FHIP1A: variants seen among roughly 807,000 people sequenced by gnomAD.
The protein encoded by FHIP1A is FHF complex subunit HOOK interacting protein 1A.
A neutral mutation model predicts 88.6 loss-of-function variants in FHIP1A; 61 were observed. That is an observed-to-expected ratio of 0.69 (90% CI 0.56 to 0.85). FHIP1A has a LOEUF of 0.85. Ranked by LOEUF, FHIP1A falls within the 40% of genes least tolerant of loss-of-function variation. The pLI is 0.00. For synonymous variants in FHIP1A, 478 were observed against 496.0 expected (o/e 0.96, Z 0.48); for missense variants, 1,154 against 1,273.5 (o/e 0.91, Z 1.43).
At position 151,662,612 on chromosome 4, in the gene FHIP1A, C is replaced by G. The variant is rs75005416; in HGVS notation, c.2981C>G (p.Pro994Arg). Residue 994 changes from proline (P) to arginine (R), a missense_variant, in exon 14 of 14, where the codon CCC (proline) becomes CGC (arginine). By Grantham distance (103) the Pro-to-Arg change is moderately radical (BLOSUM62 -2). Coordinates refer to ENST00000435205, the MANE Select transcript of FHIP1A (RefSeq NM_001109977.3). ...THRTKVAEAPPNLPLPVRNPM... is the reference protein window; with the variant it reads ...THRTKVAEAPRNLPLPVRNPM... ...AGAACCAAGGTGGCTGAGGCACCCC[C>G]CAACCTGCCCCTGCCGGTGAGGAAC... is the stretch of plus-strand genomic sequence containing the variant. 0.016 allele frequency: 25,310 copies of G among 1,551,656 alleles called. 296 individuals are homozygous for G. Among genetic ancestry groups the G allele is most frequent in the Non-Finnish European group, 0.02 (23,183 of 1,146,980 alleles).
At chr4:151,442,574 C>T (rs1167706702) in intron 1 of FHIP1A, among the ~76,000 whole-genome samples, 3 of 152,050 alleles carry the variant, frequency 2.0e-5, no homozygotes, top group East Asian at 3.9e-4. Context: ...GTTTTAGGCC[C>T]GTATTAGACC....
intron 7 of FHIP1A, among the ~76,000 whole-genome samples, chr4:151,628,605 T>A (rs565046188): frequency 3.9e-5 from 6 of 152,272 alleles, no homozygotes; most frequent in Admixed American, 3.9e-4. Context: ...AAGAAGATTT[T>A]AAAAAATGGA....
intron 1 of FHIP1A, among the ~76,000 whole-genome samples, chr4:151,434,202 A>C (rs747852069): frequency 2.6e-5 from 4 of 152,090 alleles, no homozygotes; most frequent in Non-Finnish European, 4.4e-5. Flanking sequence ...CACATTCTTC[A>C]TTTACTACCC....
chr4:151,469,845 TCAGGAGACGGCAAATCATTGC>T (rs1331395772), intron 2 of FHIP1A, among the ~76,000 whole-genome samples: 8 of 152,324 alleles, frequency 5.3e-5, no homozygotes, highest in African/African-American at 1.9e-4. Context: ...GGATGTCGGG[TCAGGAGACGGCAAATCATTGC>T]CAGCTGGTGG....
intron 2 of FHIP1A, among the ~76,000 whole-genome samples, chr4:151,479,790 A>G (rs1729831717): frequency 6.6e-6 from 1 of 151,768 alleles, no homozygotes; most frequent in South Asian, 2.1e-4. Context: ...GCTTTTGTGT[A>G]CTCCCTGCCT....
chr4:151,445,683 G>A (rs1047519506), intron 1 of FHIP1A, among the ~76,000 whole-genome samples: 11 of 151,524 alleles, frequency 7.3e-5, no homozygotes, highest in African/African-American at 1.7e-4. Flanking sequence ...AGGGGACAAA[G>A]GCTAAATATA....
chr4:151,418,193 A>AAC (rs1732970587), intron 1 of FHIP1A, among the ~76,000 whole-genome samples: 1 of 151,290 alleles, frequency 6.6e-6, no homozygotes, highest in African/African-American at 2.4e-5. Context: ...AAAAAAAAAA[A>AAC]AACAAGAGAA....
rs924431170 is a variant in FHIP1A at position 151,664,732 on chromosome 4, A to G, written c.*1978A>G. On this transcript the variant is annotated 3_prime_UTR_variant, in exon 14 of 14. Coordinates refer to ENST00000435205, the MANE Select transcript of FHIP1A (RefSeq NM_001109977.3). ...ATACTCTGTTTGTTTTTGCACAAGT[A>G]TTTATCTTCTTGTTTGGACTTACAA... Among the ~76,000 whole-genome samples the G allele has an allele frequency of 3.9e-5, 6 of 152,204 alleles. No individual in the cohort carries two copies. The highest frequency in any genetic ancestry group is 1.4e-4 in the African/African-American group (6 of 41,456).
At chr4:151,484,478 A>C (rs1308757325) in intron 3 of FHIP1A, among the ~76,000 whole-genome samples, 1 of 152,222 alleles carries the variant, frequency 6.6e-6, no homozygotes, top group Admixed American at 6.5e-5. Flanking sequence ...CTAAGAAGGT[A>C]GAGGGAGTAG....
intron 3 of FHIP1A, among the ~76,000 whole-genome samples, chr4:151,540,610 A>G (rs1580685420): frequency 6.6e-6 from 1 of 152,220 alleles, no homozygotes; most frequent in South Asian, 2.1e-4. Flanking sequence ...AAAATTGGGT[A>G]TAATAAACTA....
intron 5 of FHIP1A, among the ~76,000 whole-genome samples, 179 bp from the exon 6 acceptor site, chr4:151,586,462 C>T (rs1487918807): frequency 6.6e-6 from 1 of 152,154 alleles, no homozygotes; most frequent in East Asian, 1.9e-4. Context: ...GTTGTCCTTC[C>T]CTACTGTCTT....
chr4:151,437,737 G>A (rs1728254707), intron 1 of FHIP1A, among the ~76,000 whole-genome samples: 1 of 152,082 alleles, frequency 6.6e-6, no homozygotes, highest in Non-Finnish European at 1.5e-5. Flanking sequence ...AATCTTAATG[G>A]CATGTGACAC....
At chr4:151,468,857 C>G (rs1339348174) in intron 2 of FHIP1A, among the ~76,000 whole-genome samples, 1 of 152,158 alleles carries the variant, frequency 6.6e-6, no homozygotes, top group Non-Finnish European at 1.5e-5. Flanking sequence ...CCTATGTAAT[C>G]ATGATCATCT....
intron 4 of FHIP1A, among the ~76,000 whole-genome samples, chr4:151,572,176 C>T (rs1016904921): frequency 2.6e-5 from 4 of 152,178 alleles, no homozygotes; most frequent in African/African-American, 9.7e-5. Flanking sequence ...CATTGCACTC[C>T]AGCCTGGGTG....
chr4:151,441,614 A>G (rs919647211), intron 1 of FHIP1A, among the ~76,000 whole-genome samples: 4 of 152,292 alleles, frequency 2.6e-5, no homozygotes, highest in African/African-American at 7.2e-5. Context: ...CAAGCTCAAA[A>G]TATTCATTCT....
intron 1 of FHIP1A, among the ~76,000 whole-genome samples, chr4:151,409,692 GT>G (rs1732528986): frequency 6.6e-6 from 1 of 152,096 alleles, no homozygotes; most frequent in African/African-American, 2.4e-5. Context: ...GACTTCTAGG[GT>G]TTCGGGCTCC....
intron 2 of FHIP1A, among the ~76,000 whole-genome samples, chr4:151,470,131 G>T (rs1170839769): frequency 2.0e-5 from 3 of 152,316 alleles, no homozygotes; most frequent in African/African-American, 7.2e-5. Context: ...ACAATGTGTG[G>T]TAGAGTAGTA....
chr4:151,457,594 C>A (rs1729010561), intron 2 of FHIP1A, among the ~76,000 whole-genome samples: 1 of 152,142 alleles, frequency 6.6e-6, no homozygotes, highest in South Asian at 2.1e-4. Flanking sequence ...ACATATATGT[C>A]TTTTGACTGA....
At chr4:151,660,079 T>A (rs1737396302) in intron 13 of FHIP1A, among the ~76,000 whole-genome samples, 1 of 152,180 alleles carries the variant, frequency 6.6e-6, no homozygotes, top group Admixed American at 6.5e-5. Context: ...AAACAGACAT[T>A]TTATGATGAG....
Sources: allele counts gnomAD v4.1 joint callset (sites outside exome capture counted in the v4.1 genomes callset), GRCh38; gene constraint gnomAD v4.1.1; transcripts MANE v1.5; gene names NCBI Gene and HGNC (gene_info 2026-07-23, HGNC 2026-07-21).